The following LARGE1 variants were observed in gnomAD, a reference collection of about 807,000 sequenced individuals.
The protein encoded by LARGE1 is xylosyl- and glucuronyltransferase LARGE1.
LARGE1 carries 43 observed loss-of-function variants against 87.6 expected under a neutral mutation model. That is an observed-to-expected ratio of 0.49 (90% CI 0.38 to 0.63). The LOEUF (loss-of-function observed/expected upper bound fraction) is 0.63. Ranked by LOEUF, LARGE1 falls within the 30% of genes least tolerant of loss-of-function variation. LARGE1 has a pLI of 0.00. For synonymous variants in LARGE1, 434 were observed against 394.6 expected, an observed-to-expected ratio of 1.10 and a Z score of -1.18; for missense variants, 802 against 1,000.2, an observed-to-expected ratio of 0.80 and a Z score of 2.67.
the LARGE1 span, among the ~76,000 whole-genome samples, chr22:33,138,466 C>G: frequency 6.7e-6 from 1 of 149,046 alleles, no homozygotes; most frequent in Admixed American, 6.7e-5. Flanking sequence ...TTTTTTGAGA[C>G]AGAGTCTCAC....
intron 11 of LARGE1, among the ~76,000 whole-genome samples, chr22:33,207,554 A>C (rs1273768154): frequency 6.6e-6 from 1 of 152,158 alleles, no homozygotes; most frequent in Non-Finnish European, 1.5e-5. Flanking sequence ...AGGGAGGAGC[A>C]CTGGCAAGAC....
the LARGE1 span, among the ~76,000 whole-genome samples, chr22:33,120,056 G>C: frequency 6.6e-6 from 1 of 152,016 alleles, no homozygotes; most frequent in Non-Finnish European, 1.5e-5. Context: ...CATGAGCATG[G>C]TGTACCAGGA....
chr22:33,911,501 C>T (rs915817701), intron 1 of LARGE1, among the ~76,000 whole-genome samples: 5 of 152,172 alleles, frequency 3.3e-5, no homozygotes, highest in African/African-American at 4.8e-5. Context: ...CATTCTCCCA[C>T]GTCCACTTCA....
At chr22:33,581,661 A>G (rs1291831093) in intron 5 of LARGE1, among the ~76,000 whole-genome samples, 1 of 151,766 alleles carries the variant, frequency 6.6e-6, no homozygotes, top group African/African-American at 2.4e-5. Flanking sequence ...AAAATACAAA[A>G]ATTAGCCGGG....
intron 2 of LARGE1, among the ~76,000 whole-genome samples, chr22:33,716,114 A>G (rs1157318162): frequency 6.6e-6 from 1 of 152,312 alleles, no homozygotes. Flanking sequence ...TTACTTTGGG[A>G]AACAGTGATA....
At chr22:33,467,243 C>T (rs773987022) in intron 6 of LARGE1, among the ~76,000 whole-genome samples, 8 of 152,128 alleles carry the variant, frequency 5.3e-5, no homozygotes, top group Non-Finnish European at 7.4e-5. Context: ...ACCCTCAGCT[C>T]GGTGTGCTCA....
intron 3 of LARGE1, among the ~76,000 whole-genome samples, chr22:33,641,993 C>A (rs1302276829): frequency 6.6e-6 from 1 of 152,150 alleles, no homozygotes; most frequent in Non-Finnish European, 1.5e-5. Flanking sequence ...CCCAACCTAG[C>A]AAGACAGGCT....
At chr22:33,516,805 C>T (rs556735365) in intron 6 of LARGE1, among the ~76,000 whole-genome samples, 23 of 152,098 alleles carry the variant, frequency 1.5e-4, no homozygotes, top group Non-Finnish European at 2.6e-4. Context: ...AGGATGGTCT[C>T]GATCTCTTGA....
intron 2 of LARGE1, among the ~76,000 whole-genome samples, chr22:33,714,277 A>T (rs2082846497): frequency 6.6e-6 from 1 of 152,178 alleles, no homozygotes; most frequent in Non-Finnish European, 1.5e-5. Context: ...CCCCTCGTTC[A>T]GAGAACAGCC....
At chr22:33,590,477 G>A (rs2078804324) in intron 5 of LARGE1, among the ~76,000 whole-genome samples, 1 of 152,162 alleles carries the variant, frequency 6.6e-6, no homozygotes, top group Non-Finnish European at 1.5e-5. Flanking sequence ...TTTAATAAAT[G>A]TATACAGTTT....
chr22:33,908,171 G>A (rs548327810), intron 1 of LARGE1, among the ~76,000 whole-genome samples: 34 of 152,272 alleles, frequency 2.2e-4, no homozygotes, highest in Non-Finnish European at 4.4e-4. Context: ...AATCTAAAAC[G>A]ACAACAACAA....
At chr22:33,723,193 G>A (rs2083161330) in intron 2 of LARGE1, among the ~76,000 whole-genome samples, 1 of 152,192 alleles carries the variant, frequency 6.6e-6, no homozygotes, top group Non-Finnish European at 1.5e-5. Flanking sequence ...ACAATTACAA[G>A]AAAGAGAAGT....
chr22:33,673,206 C>T (rs752668774), intron 2 of LARGE1, among the ~76,000 whole-genome samples: 19 of 152,262 alleles, frequency 1.2e-4, no homozygotes, highest in East Asian at 5.8e-4. Context: ...ACCTGAGAGA[C>T]GGAGGTTGCA....
At chr22:33,463,227 C>G (rs1192808841) in intron 6 of LARGE1, among the ~76,000 whole-genome samples, 2 of 148,510 alleles carry the variant, frequency 1.3e-5, no homozygotes, top group Non-Finnish European at 3.0e-5. Context: ...TTAAATAAAT[C>G]CAACTATATA....
At chr22:33,498,137 G>A (rs952650795) in intron 6 of LARGE1, among the ~76,000 whole-genome samples, 3 of 152,010 alleles carry the variant, frequency 2.0e-5, no homozygotes, top group African/African-American at 4.8e-5. Flanking sequence ...CATCCACCTC[G>A]GCCTCCCAAA....
intron 6 of LARGE1, among the ~76,000 whole-genome samples, chr22:33,451,808 C>T (rs1035335183): frequency 2.0e-5 from 3 of 152,158 alleles, no homozygotes; most frequent in Admixed American, 6.5e-5. Context: ...CCACCCGCCT[C>T]GGCCTCCCAA....
intron 5 of LARGE1, among the ~76,000 whole-genome samples, chr22:33,588,402 A>C (rs1457697926): frequency 6.6e-6 from 1 of 152,224 alleles, no homozygotes; most frequent in African/African-American, 2.4e-5. Context: ...CTCTAGAAGA[A>C]AGATGAGGAA....
intron 11 of LARGE1, among the ~76,000 whole-genome samples, chr22:33,264,388 G>A (rs1927809806): frequency 6.6e-6 from 1 of 152,260 alleles, no homozygotes; most frequent in Admixed American, 6.5e-5. Flanking sequence ...TAGGTTTGTA[G>A]TGGCTCACGC....
At chr22:33,394,009 A>G (rs2065627519) in intron 7 of LARGE1, among the ~76,000 whole-genome samples, 1 of 151,740 alleles carries the variant, frequency 6.6e-6, no homozygotes, top group Non-Finnish European at 1.5e-5. Context: ...AAAAGTAGGT[A>G]TCTGTGCAGA....
Sources: gnomAD v4.1 joint callset for allele counts (sites outside exome capture counted in the v4.1 genomes callset) on GRCh38, gnomAD v4.1.1 for gene constraint, MANE v1.5 for transcripts, NCBI Gene and HGNC (gene_info 2026-07-23, HGNC 2026-07-21) for gene names.